COL11A2: variants seen among roughly 807,000 people sequenced by gnomAD.
The protein encoded by COL11A2 is collagen type XI alpha 2 chain.
Under a neutral mutation model 273.4 loss-of-function variants are expected in COL11A2, and 116 were observed. That is an observed-to-expected ratio of 0.42 (90% confidence interval 0.36 to 0.49). COL11A2 has a LOEUF of 0.49. Among genes scored for constraint, COL11A2 ranks in the 20% least tolerant of loss-of-function variants. The probability of loss-of-function intolerance (pLI) is 0.00; values close to 1 mark genes in which losing one functional copy is unlikely to be tolerated. For synonymous variants in COL11A2, 782 were observed against 864.2 expected, an observed-to-expected ratio of 0.90 and a Z score of 1.67; for missense variants, 1,866 against 2,309.0, an observed-to-expected ratio of 0.81 and a Z score of 3.93.
At chr6:33,171,963 C>T (rs1770147453) in intron 41 of COL11A2, 87 bp downstream of exon 41, 2 of 1,560,368 alleles carry the variant, frequency 1.3e-6, no homozygotes, top group South Asian at 2.2e-5. Context: ...CCCCACAGCC[C>T]CTGGTGGTAT....
In COL11A2 at chr6:33,177,545, C is replaced by A; in HGVS notation, c.1918-80G>T. 2 of 1,588,362 alleles carry A rather than the reference C, an allele frequency of 1.3e-6. No individual in the cohort carries two copies. The highest frequency in any genetic ancestry group is 1.7e-6 in the Non-Finnish European group (2 of 1,159,612). On this transcript the variant is annotated intron_variant, in intron 22 of 65. Coordinates refer to ENST00000341947, the MANE Select transcript of COL11A2 (RefSeq NM_080680.3). The surrounding 1 kb of genome is among the most constrained non-coding windows in gnomAD (Gnocchi z 5.9). ...AGAGCATGGAGCTGAGTCCCAGCAG[C>A]GATAGCCAAGAAGGCAAGAGCAGGA...
chr6:33,168,436 C>A, intron 54 of COL11A2, 83 bp downstream of exon 54: 3 of 1,468,936 alleles, frequency 2.0e-6, no homozygotes, highest in Non-Finnish European at 2.9e-6. Context: ...CACCTCCCCA[C>A]CCATCCCACC....
rs141430703 is a variant in COL11A2, at chr6:33,186,737, C to G, written c.688G>C (p.Gly230Arg). 7 of 1,613,988 alleles carry G rather than the reference C, an allele frequency of 4.3e-6. No individual in the cohort carries two copies. The highest frequency in any genetic ancestry group is 2.2e-5 in the South Asian group (2 of 91,078). Residue 230 changes from glycine to arginine, a missense_variant, in exon 5 of 66, where the codon GGG becomes CGG. Coordinates refer to ENST00000341947, the MANE Select transcript of COL11A2 (RefSeq NM_080680.3). ...SCEQKELECE[G>R]GQRERPQNQQ... is the part of the protein sequence containing the mutation. Reference sequence around the variant, plus strand: ...TTTTGGGGTCTTTCCCTCTGGCCCCCCTCGCATTCCAGCTCCTTCTGTTCA... The same window carrying G: ...TTTTGGGGTCTTTCCCTCTGGCCCCGCTCGCATTCCAGCTCCTTCTGTTCA...
At chr6:33,185,916 T>G in intron 5 of COL11A2, 138 bp from the exon 6 acceptor site, 1 of 389,930 alleles carries the variant, frequency 2.6e-6, no homozygotes, top group Non-Finnish European at 5.2e-6. Context: ...AACAGAGAGT[T>G]GAAGATGAAA....
Position 33,184,991 on chromosome 6 carries a change from C to T in COL11A2, c.939+1G>A, listed in dbSNP as rs750173113. On this transcript the variant is annotated splice_donor_variant, in intron 7 of 65. Coordinates refer to ENST00000341947, the MANE Select transcript of COL11A2 (RefSeq NM_080680.3). LOFTEE classifies it high-confidence loss of function. ...GGGGTGAGGGTGGGGCATAGAGTTA[C>T]CTCCTCAAGGGGTGGCAAGAGGCTC... 21 of 1,550,944 alleles carry T rather than the reference C, an allele frequency of 1.4e-5. No individual in the cohort carries two copies. Among genetic ancestry groups the T allele is most frequent in the Non-Finnish European group, 1.8e-5 (21 of 1,146,620 alleles).
rs1050086398 is a variant in COL11A2, at chr6:33,164,660, G to A, written c.4864-187C>T. The stretch of plus-strand genomic sequence containing the variant: ...CTGAGTGGGAGCCAGGAGACTGGGG[G>A]TACACGAAAGGCAAAGTGAGCATCA... On this transcript the variant is annotated intron_variant, in intron 64 of 65. Transcript: ENST00000341947. The surrounding 1 kb of genome is among the most constrained non-coding windows in gnomAD (Gnocchi z 4.7). Among the ~76,000 whole-genome samples, 2 of 152,080 alleles carry A rather than the reference G, an allele frequency of 1.3e-5. No individual in the cohort carries two copies. Among genetic ancestry groups the A allele is most frequent in the Admixed American group, 6.6e-5 (1 of 15,266 alleles).
chr6:33,179,534 C>A lies in COL11A2; in HGVS notation c.1447-47G>T, dbSNP rs1309412702. On this transcript the variant is annotated intron_variant, in intron 13 of 65. Coordinates refer to ENST00000341947, the MANE Select transcript of COL11A2 (RefSeq NM_080680.3). The surrounding 1 kb of genome is among the most constrained non-coding windows in gnomAD (Gnocchi z 6.4). ...AGAGCTGAGGGACAGGCAGTGGGAA[C>A]CCCCAGCCCCAGCACTCTCCAAATT... 3 of 1,513,606 alleles carry A rather than the reference C, an allele frequency of 2.0e-6. No homozygotes were observed. Among genetic ancestry groups the A allele is most frequent in the Non-Finnish European group, 1.8e-6 (2 of 1,112,952 alleles). The allele number at this position is 1,513,606 out of a possible 1,614,324, so 93.8% of individuals were successfully genotyped here. A position where few individuals can be genotyped will look rare whatever the true frequency, so the allele number is the denominator to read the frequency against.
Position 33,173,497 on chromosome 6 carries a change from C to T in COL11A2, c.2682+5G>A, listed in dbSNP as rs1175212667. The T allele has an allele frequency of 2.5e-6, 4 of 1,611,718 alleles. No individual in the cohort carries two copies. Among genetic ancestry groups the T allele is most frequent in the African/African-American group, 2.7e-5 (2 of 74,562 alleles). ...GAGGTGGGTCAGAGCTCGGGGTCAA[C>T]TTACCGGGGGTCCTTTCGGTCCAGG... On this transcript the variant is annotated splice_donor_5th_base_variant and intron_variant, in intron 36 of 65. Coordinates refer to ENST00000341947, the MANE Select transcript of COL11A2 (RefSeq NM_080680.3). The surrounding 1 kb of genome is among the most constrained non-coding windows in gnomAD (Gnocchi z 6.3).
rs748097131 is a variant in COL11A2, at chr6:33,188,393, C to T, written c.575G>A (p.Gly192Asp). Residue 192 changes from glycine to aspartate, a missense_variant, in exon 4 of 66, where the codon GGT (glycine) becomes GAT (aspartate). Coordinates refer to ENST00000341947, the MANE Select transcript of COL11A2 (RefSeq NM_080680.3). ...GACTTCTTCATCCAGAATACGGGCACCAAAGATGATCACTCCATGGGTGTC... is the reference window on the plus strand; with the variant it reads ...GACTTCTTCATCCAGAATACGGGCATCAAAGATGATCACTCCATGGGTGTC... ...VLDTHGVIIFGARILDEEVFE... is the reference protein window; with the variant it reads ...VLDTHGVIIFDARILDEEVFE... 1.2e-6 allele frequency: 2 copies of T among 1,613,026 alleles called. No homozygotes were observed. Among genetic ancestry groups the T allele is most frequent in the Non-Finnish European group, 1.7e-6 (2 of 1,180,032 alleles).
Position 33,192,290 on chromosome 6 carries a change from C to T in COL11A2, c.-50G>A. ...CCCAGGGACCCAGGTCGGCCTGAGA[C>T]GCTGGATGCCCTGAGGCTGACAGAA... is the stretch of plus-strand genomic sequence containing the variant. On this transcript the variant is annotated 5_prime_UTR_variant, in exon 1 of 66. Coordinates refer to ENST00000341947, the MANE Select transcript of COL11A2 (RefSeq NM_080680.3). The T allele has an allele frequency of 2.0e-6, 3 of 1,510,976 alleles. No individual in the cohort carries two copies. Among genetic ancestry groups the T allele is most frequent in the Non-Finnish European group, 2.7e-6 (3 of 1,113,324 alleles). The allele number at this position is 1,510,976 out of a possible 1,614,324, so 93.6% of individuals were successfully genotyped here. A position where few individuals can be genotyped will look rare whatever the true frequency, so the allele number is the denominator to read the frequency against.
In COL11A2 at chr6:33,190,714, G is replaced by A. The variant is rs1471682736; in HGVS notation, c.83-1245C>T. On this transcript the variant is annotated intron_variant, in intron 1 of 65. Coordinates refer to ENST00000341947, the MANE Select transcript of COL11A2 (RefSeq NM_080680.3). The surrounding 1 kb of genome is among the most constrained non-coding windows in gnomAD (Gnocchi z 4.5). ...CCCCACCTAAGCCTGGCCCCTGCGCGTGTGGCAGCTCCGCAAACACCAACA... is the reference window on the plus strand; with the variant it reads ...CCCCACCTAAGCCTGGCCCCTGCGCATGTGGCAGCTCCGCAAACACCAACA... 2.6e-5 allele frequency among the ~76,000 whole-genome samples: 4 copies of A among 151,984 alleles called. No individual in the cohort carries two copies. The highest frequency in any genetic ancestry group is 7.3e-5 in the African/African-American group (3 of 41,354).
At chr6:33,188,583 C>T in intron 3 of COL11A2, 59 bp from the exon 4 acceptor site, 7 of 1,602,190 alleles carry the variant, frequency 4.4e-6, no homozygotes, top group Non-Finnish European at 5.1e-6. Flanking sequence ...GGGGAGTCAA[C>T]ATGGTTGGAG....
In COL11A2 at chr6:33,165,748, A is replaced by G; in HGVS notation, c.4551T>C (p.Asp1517=). ...CATCTTCCTGCATCAGACGGCTTCC[A>G]TCCACCGAGCGCCGAGTCTTCTTGG... ...QMPKKTRRSV[D]GSRLMQEDEA... The change falls in exon 63 of 66, where the codon GAT becomes GAC. Residue 1517 remains aspartate, a synonymous_variant. Transcript: ENST00000341947. The surrounding 1 kb of genome is among the most constrained non-coding windows in gnomAD (Gnocchi z 7.7). The G allele has an allele frequency of 6.2e-7, 1 of 1,612,146 alleles. No individual in the cohort carries two copies. The highest frequency in any genetic ancestry group is 1.7e-5 in the Admixed American group (1 of 60,026).
At chr6:33,183,121 G>A (rs115403055) in intron 8 of COL11A2, among the ~76,000 whole-genome samples, 3,711 of 152,236 alleles carry the variant, frequency 0.024, 117 homozygotes, top group African/African-American at 0.069. Flanking sequence ...AAGACGGAGC[G>A]GAGTAGACAG....
In COL11A2 at chr6:33,167,916, C is replaced by G. The variant is rs1489830878; in HGVS notation, c.3961-64G>C. ...GGGCAGCCAGGCTCAACTCTTCCCC[C>G]TTCCTGTCCTAGACACACACATACA... On this transcript the variant is annotated intron_variant, in intron 54 of 65. Coordinates refer to ENST00000341947, the MANE Select transcript of COL11A2 (RefSeq NM_080680.3). The surrounding 1 kb of genome is among the most constrained non-coding windows in gnomAD (Gnocchi z 6.1). 6.3e-7 allele frequency: 1 copy of G among 1,575,464 alleles called. No individual in the cohort carries two copies. The highest frequency in any genetic ancestry group is 8.7e-7 in the Non-Finnish European group (1 of 1,150,538).
chr6:33,175,953 G>C, intron 29 of COL11A2, 63 bp downstream of exon 29: 1 of 1,582,598 alleles, frequency 6.3e-7, no homozygotes, highest in African/African-American at 1.3e-5. Flanking sequence ...CCGGTGCTTG[G>C]CGTCTCCAGA....
intron 6 of COL11A2, 55 bp downstream of exon 6, chr6:33,185,646 G>T: frequency 1.2e-6 from 1 of 817,184 alleles, no homozygotes; most frequent in Non-Finnish European, 1.9e-6. Flanking sequence ...CCTAGGAGAT[G>T]ATTGCTGGGG....
Position 33,174,024 on chromosome 6 carries a change from T to C in COL11A2, c.2516A>G (p.Glu839Gly). ...GLSGKSGPRG[E>G]RGPTGPRGQR... The stretch of plus-strand genomic sequence containing the variant: ...CCCTGCACTCACCGTGGGGCCCCGT[T>C]CTCCCCGAGGCCCTGACTTCCCCGA... The change falls in exon 33 of 66, where the codon GAA (glutamate) becomes GGA (glycine). Residue 839 changes from glutamate (E) to glycine (G), a missense_variant. By Grantham distance (98) the Glu-to-Gly change is moderately conservative (BLOSUM62 -2). Coordinates refer to ENST00000341947, the MANE Select transcript of COL11A2 (RefSeq NM_080680.3). The C allele has an allele frequency of 6.2e-7, 1 of 1,613,798 alleles. No homozygotes were observed. Among genetic ancestry groups the C allele is most frequent in the Non-Finnish European group, 8.5e-7 (1 of 1,179,954 alleles).
At position 33,171,181 on chromosome 6, in the gene COL11A2, G is replaced by A; in HGVS notation, c.3313-14C>T. On this transcript the variant is annotated splice_polypyrimidine_tract_variant and intron_variant, in intron 44 of 65. Coordinates refer to ENST00000341947, the MANE Select transcript of COL11A2 (RefSeq NM_080680.3). ...TCCAGGAGGGCCCTGGGTAAGAGAA[G>A]AGAGTCAGAGACACCAAAACAGGGA... 6.2e-7 allele frequency: 1 copy of A among 1,611,582 alleles called. No homozygotes were observed.
Sources: allele counts gnomAD v4.1 joint callset (sites outside exome capture counted in the v4.1 genomes callset), GRCh38; gene constraint gnomAD v4.1.1; non-coding constraint Gnocchi (gnomAD v3.1); transcripts MANE v1.5; gene names NCBI Gene and HGNC (gene_info 2026-07-23, HGNC 2026-07-21).